The following PDE8B variants were observed in gnomAD, a reference collection of about 807,000 sequenced individuals.
The protein encoded by PDE8B is phosphodiesterase 8B.
In PDE8B, 26 loss-of-function variants were observed where a neutral mutation model predicts 101.3. That is an observed-to-expected ratio of 0.26 (90% CI 0.19 to 0.36). The LOEUF (loss-of-function observed/expected upper bound fraction) is 0.36. PDE8B is among the 10% of genes least tolerant of loss of function. The probability of loss-of-function intolerance (pLI) is 1.00; values close to 1 mark genes in which losing one functional copy is unlikely to be tolerated. For missense variants in PDE8B, 810 were observed against 1,163.1 expected (o/e 0.70, Z 4.42); for synonymous variants, 424 against 429.3 (o/e 0.99, Z 0.15).
chr5:77,180,356 G>GCA, the PDE8B span: 1 of 745,600 alleles, frequency 1.3e-6, no homozygotes, highest in Non-Finnish European at 1.6e-6. Flanking sequence ...CCCGGGGAGT[G>GCA]GGGTGCAGGG....
chr5:77,328,704 A>G (rs1395737739), intron 3 of PDE8B, among the ~76,000 whole-genome samples: 1 of 152,228 alleles, frequency 6.6e-6, no homozygotes, highest in African/African-American at 2.4e-5. Flanking sequence ...GTGGAGTTTC[A>G]ATTTTAAAAA....
chr5:77,367,846 T>C (rs1179652978), intron 10 of PDE8B, among the ~76,000 whole-genome samples: 1 of 152,156 alleles, frequency 6.6e-6, no homozygotes, highest in Non-Finnish European at 1.5e-5. Flanking sequence ...TCTACCGTTT[T>C]CTAAGGCTTC....
At position 77,409,012 on chromosome 5, in the gene PDE8B, A is replaced by C; in HGVS notation, c.1485A>C (p.Lys495Asn). 1 of 1,613,946 alleles carries C rather than the reference A, an allele frequency of 6.2e-7. No homozygotes were observed. The highest frequency in any genetic ancestry group is 8.5e-7 in the Non-Finnish European group (1 of 1,179,788). ...TELYSPQLGT[K>N]DEDPHTSDLV... ...TGTACTCCCCTCAGCTGGGTACCAA[A>C]GATGAAGATCCCCACACCAGTGATC... Residue 495 changes from lysine (K) to asparagine (N), a missense_variant, in exon 14 of 22, where the codon AAA becomes AAC. This residue lies in a region of PDE8B where 325 missense variants were observed against 560.9 expected (regional missense o/e 0.58). Transcript: ENST00000264917.
chr5:77,176,185 C>T, the PDE8B span, among the ~76,000 whole-genome samples: 2,572 of 152,226 alleles, frequency 0.017, 74 homozygotes, highest in African/African-American at 0.058. Flanking sequence ...ACCAGCCACG[C>T]GAAAGCCACC....
intron 10 of PDE8B, among the ~76,000 whole-genome samples, chr5:77,364,070 C>T (rs1191794440): frequency 6.6e-6 from 1 of 152,180 alleles, no homozygotes; most frequent in Non-Finnish European, 1.5e-5. Context: ...AGTGAGGTAG[C>T]TAACTGCATC....
At chr5:77,272,887 T>A (rs910195495) in intron 1 of PDE8B, among the ~76,000 whole-genome samples, 3 of 152,176 alleles carry the variant, frequency 2.0e-5, no homozygotes, top group Non-Finnish European at 4.4e-5. Flanking sequence ...AAGTTCATTA[T>A]TTTTTAATGT....
the PDE8B span, among the ~76,000 whole-genome samples, chr5:77,188,903 T>G: frequency 1.3e-5 from 2 of 152,244 alleles, no homozygotes; most frequent in East Asian, 1.9e-4. Context: ...AGCATAGCCC[T>G]CAGTGGGGGA....
In PDE8B at chr5:77,351,137, G is replaced by A. The variant is rs564741779; in HGVS notation, c.1090G>A (p.Val364Met). 6.2e-7 allele frequency: 1 copy of A among 1,613,750 alleles called. No homozygotes were observed. The highest frequency in any genetic ancestry group is 1.7e-5 in the Admixed American group (1 of 60,034). The change falls in exon 9 of 22, where the codon GTG (valine) becomes ATG (methionine). Residue 364 changes from valine to methionine, a missense_variant. Around this residue, in one of 4 missense-constraint regions of PDE8B, gnomAD observed 251 missense variants for 378.8 expected, o/e 0.66. Coordinates refer to ENST00000264917, the MANE Select transcript of PDE8B (RefSeq NM_003719.5). ...CCAACAGCACGTGAAGATCACCCCA[G>A]TGATTGGCCAAGGAGGGTGAGAGCA... ...SIQQHVKITP[V>M]IGQGGKIRHF...
intron 5 of PDE8B, among the ~76,000 whole-genome samples, chr5:77,332,556 G>A (rs1280345324): frequency 2.0e-5 from 3 of 152,230 alleles, no homozygotes; most frequent in Non-Finnish European, 4.4e-5. Flanking sequence ...TCTGAATCCC[G>A]GCCGGGCACG....
chr5:77,183,753 G>A, the PDE8B span, among the ~76,000 whole-genome samples: 2 of 152,154 alleles, frequency 1.3e-5, no homozygotes, highest in African/African-American at 2.4e-5. Flanking sequence ...AAGCTTGAGA[G>A]CAGATGGGTA....
At chr5:77,126,477 G>A in the PDE8B span, among the ~76,000 whole-genome samples, 1 of 152,126 alleles carries the variant, frequency 6.6e-6, no homozygotes, top group African/African-American at 2.4e-5. Flanking sequence ...CCAGGCTGGA[G>A]TGCAGTGGCA....
At chr5:77,406,035 C>T (rs541750879) in intron 12 of PDE8B, among the ~76,000 whole-genome samples, 1 of 152,210 alleles carries the variant, frequency 6.6e-6, no homozygotes, top group African/African-American at 2.4e-5. Context: ...GCCTGTGATC[C>T]CAGCAGTTTG....
At chr5:77,390,459 G>A (rs1413571594) in intron 10 of PDE8B, among the ~76,000 whole-genome samples, 1 of 152,030 alleles carries the variant, frequency 6.6e-6, no homozygotes, top group Non-Finnish European at 1.5e-5. Context: ...TAAAGCCTTC[G>A]GTTTCCCCAG....
intron 1 of PDE8B, among the ~76,000 whole-genome samples, chr5:77,287,171 A>AT (rs1205717250): frequency 6.6e-6 from 1 of 151,282 alleles, no homozygotes; most frequent in Non-Finnish European, 1.5e-5. Flanking sequence ...CTTTATTATT[A>AT]TTTTTTTTAG....
intron 11 of PDE8B, among the ~76,000 whole-genome samples, chr5:77,401,378 G>A (rs2151008296): frequency 6.6e-6 from 1 of 152,270 alleles, no homozygotes; most frequent in South Asian, 2.1e-4. Context: ...AAGCATTTTT[G>A]TGTCCTTTGC....
At chr5:77,182,000 C>G in the PDE8B span, among the ~76,000 whole-genome samples, 1 of 151,778 alleles carries the variant, frequency 6.6e-6, no homozygotes, top group Non-Finnish European at 1.5e-5. Flanking sequence ...TTCCAAGAAG[C>G]AAAAACAGAA....
At chr5:77,166,618 T>G in the PDE8B span, 1 of 152,174 alleles carries the variant, frequency 6.6e-6, no homozygotes, top group African/African-American at 2.4e-5. Context: ...CACTCCCTTG[T>G]GTGTATATGC....
chr5:77,204,050 G>GTTTTT, the PDE8B span, among the ~76,000 whole-genome samples: 24 of 113,590 alleles, frequency 2.1e-4, no homozygotes, highest in East Asian at 1.6e-3. Context: ...TGTACCCTTA[G>GTTTTT]TTTTTTTTTT....
At chr5:77,256,053 C>T (rs1580612707) in intron 1 of PDE8B, among the ~76,000 whole-genome samples, 2 of 152,010 alleles carry the variant, frequency 1.3e-5, no homozygotes, top group Admixed American at 1.3e-4. Flanking sequence ...TGGAGAGATT[C>T]GAATTTAGGC....
Sources: allele counts gnomAD v4.1 joint callset (sites outside exome capture counted in the v4.1 genomes callset), GRCh38; gene constraint gnomAD v4.1.1; regional missense constraint gnomAD v4.1.1; transcripts MANE v1.5; gene names NCBI Gene and HGNC (gene_info 2026-07-23, HGNC 2026-07-21).